Variants in ZC3H12B observed in about 807,000 individuals in gnomAD.
ZC3H12B encodes the protein zinc finger CCCH-type containing 12B, also known as probable ribonuclease ZC3H12B.
In ZC3H12B, 7 loss-of-function variants were observed where a neutral mutation model predicts 43.9. The ratio of observed to expected loss-of-function variants is 0.16; its 90% CI spans 0.09 to 0.30. ZC3H12B has a LOEUF of 0.30. Ranked by LOEUF, ZC3H12B falls within the 10% of genes least tolerant of loss-of-function variation. ZC3H12B has a pLI of 1.00. For synonymous variants in ZC3H12B, 222 were observed against 241.7 expected, an observed-to-expected ratio of 0.92 and a Z score of 0.76; for missense variants, 475 against 670.2, an observed-to-expected ratio of 0.71 and a Z score of 3.22.
chrX:65,128,159 A>G, the ZC3H12B span, among the ~76,000 whole-genome samples: 4 of 112,399 alleles, frequency 3.6e-5, no homozygotes, highest in Middle Eastern at 4.6e-3. Context: ...TCTGCCACCT[A>G]TCTGCCATCT....
intron 3 of ZC3H12B, among the ~76,000 whole-genome samples, chrX:65,447,318 A>AT (rs1173281103): frequency 3.6e-5 from 4 of 110,857 alleles, no homozygotes; most frequent in Admixed American, 9.7e-5. Context: ...TGTCTTTGTG[A>AT]TTTTTTTAAT....
chrX:65,128,865 C>T, the ZC3H12B span, among the ~76,000 whole-genome samples: 1 of 111,565 alleles, frequency 9.0e-6, no homozygotes, highest in Non-Finnish European at 1.9e-5. Context: ...CAGAGGCACT[C>T]CTGCTTTCCA....
chrX:65,128,030 A>G, the ZC3H12B span, among the ~76,000 whole-genome samples: 2 of 111,735 alleles, frequency 1.8e-5, no homozygotes, highest in African/African-American at 6.5e-5. Context: ...TAGTTCCTTC[A>G]AAGGGTCTGT....
the ZC3H12B span, among the ~76,000 whole-genome samples, chrX:65,357,875 C>T: frequency 1.8e-5 from 2 of 111,056 alleles, no homozygotes; most frequent in African/African-American, 3.3e-5. Flanking sequence ...GCTAAATGCC[C>T]CAATTAAAAG....
At chrX:65,118,974 T>A in the ZC3H12B span, among the ~76,000 whole-genome samples, 6 of 110,707 alleles carry the variant, frequency 5.4e-5, no homozygotes, top group African/African-American at 9.8e-5. Flanking sequence ...ACAAAGGACA[T>A]GAACTCATCC....
the ZC3H12B span, among the ~76,000 whole-genome samples, chrX:65,275,269 C>T: frequency 4.1e-4 from 46 of 112,594 alleles, no homozygotes; most frequent in African/African-American, 1.4e-3. Flanking sequence ...AGAAACAGCA[C>T]GATAAGCCAC....
intron 2 of ZC3H12B, among the ~76,000 whole-genome samples, chrX:65,371,804 G>C (rs774787699): frequency 2.1e-4 from 24 of 111,695 alleles, no homozygotes; most frequent in Non-Finnish European, 4.1e-4. Flanking sequence ...AACAGAAAGA[G>C]AAAGAATAAA....
intron 2 of ZC3H12B, among the ~76,000 whole-genome samples, chrX:65,385,162 G>A (rs767458709): frequency 8.9e-6 from 1 of 112,332 alleles, no homozygotes; most frequent in East Asian, 2.8e-4. Flanking sequence ...GAACTTTAAA[G>A]TAGTTTTTTC....
intron 2 of ZC3H12B, among the ~76,000 whole-genome samples, chrX:65,390,449 T>A (rs773171000): frequency 2.7e-5 from 3 of 111,338 alleles, no homozygotes; most frequent in Non-Finnish European, 5.7e-5. Context: ...ATCAGATTGA[T>A]TTCAAGACAA....
chrX:65,219,399 C>A, the ZC3H12B span, among the ~76,000 whole-genome samples: 1 of 110,963 alleles, frequency 9.0e-6, no homozygotes, highest in Non-Finnish European at 1.9e-5. Flanking sequence ...CAACTTAAAT[C>A]AAAAAAATGA....
chrX:65,332,312 G>A, the ZC3H12B span, among the ~76,000 whole-genome samples: 2 of 110,695 alleles, frequency 1.8e-5, no homozygotes, highest in African/African-American at 3.3e-5. Context: ...AGAAAGCATC[G>A]GTATGTCCAG....
At chrX:65,166,579 C>T in the ZC3H12B span, among the ~76,000 whole-genome samples, 1 of 111,845 alleles carries the variant, frequency 8.9e-6, no homozygotes, top group African/African-American at 3.3e-5. Context: ...ATGGCTGGGT[C>T]AAATGGTATT....
chrX:65,315,486 G>GA, the ZC3H12B span, among the ~76,000 whole-genome samples: 109 of 111,450 alleles, frequency 9.8e-4, no homozygotes, highest in African/African-American at 3.3e-3. Flanking sequence ...AGGTGCCAGA[G>GA]AAAAAAGCCA....
the ZC3H12B span, among the ~76,000 whole-genome samples, chrX:65,317,484 C>G: frequency 9.1e-6 from 1 of 109,528 alleles, no homozygotes; most frequent in East Asian, 2.9e-4. Context: ...CATCATCGAG[C>G]TGTATACACT....
the ZC3H12B span, among the ~76,000 whole-genome samples, chrX:65,298,176 G>A: frequency 9.0e-6 from 1 of 111,682 alleles, no homozygotes; most frequent in South Asian, 3.7e-4. Context: ...AAAAGCTTCT[G>A]CACAGCAAAA....
chrX:65,153,183 A>C, the ZC3H12B span, among the ~76,000 whole-genome samples: 25 of 111,886 alleles, frequency 2.2e-4, no homozygotes, highest in Middle Eastern at 4.2e-3. Flanking sequence ...GCAAGGACTT[A>C]ATGTCTAAAA....
At chrX:65,319,795 T>C in the ZC3H12B span, among the ~76,000 whole-genome samples, 11 of 111,484 alleles carry the variant, frequency 9.9e-5, no homozygotes, top group African/African-American at 3.6e-4. Context: ...AGGTGATTCA[T>C]TACATAAACA....
chrX:65,430,168 C>T (rs1281973236), intron 3 of ZC3H12B, among the ~76,000 whole-genome samples: 1 of 111,521 alleles, frequency 9.0e-6, no homozygotes, highest in Non-Finnish European at 1.9e-5. Context: ...ATGTAAAGCT[C>T]ATGGGTCTCT....
chrX:65,055,470 T>C, the ZC3H12B span, among the ~76,000 whole-genome samples: 1 of 111,872 alleles, frequency 8.9e-6, no homozygotes, highest in Non-Finnish European at 1.9e-5. Context: ...TTTTCATGTG[T>C]TGCTGGATTC....
Sources: gnomAD v4.1 joint callset for allele counts (sites outside exome capture counted in the v4.1 genomes callset) on GRCh38, gnomAD v4.1.1 for gene constraint, MANE v1.5 for transcripts, NCBI Gene and HGNC (gene_info 2026-07-23, HGNC 2026-07-21) for gene names.